The following NCAM2 variants were observed in gnomAD, a reference collection of about 807,000 sequenced individuals.
NCAM2 encodes the protein N-CAM-2.
In NCAM2, 30 loss-of-function variants were observed where a neutral mutation model predicts 98.1. The observed-to-expected ratio is 0.31, with a 90% CI of 0.23 to 0.41. The LOEUF (loss-of-function observed/expected upper bound fraction) is 0.41, where lower values mean the gene tolerates loss of function less well. NCAM2 is among the 10% of genes least tolerant of loss of function. The pLI is 1.00. For synonymous variants in NCAM2, 368 were observed against 342.4 expected (o/e 1.07, Z -0.83); for missense variants, 867 against 1,005.8 (o/e 0.86, Z 1.87).
rs572786452 is a variant in NCAM2, at chr21:21,525,403, A to G, written c.2283-9134A>G. Among the ~76,000 whole-genome samples, 8 of 152,220 alleles carry G rather than the reference A, an allele frequency of 5.3e-5. No homozygotes were observed. In the South Asian group the frequency reaches 1.7e-3, roughly 32 times the overall value. ...ATACCATGAGCACCTTTATGCCAAT[A>G]ATTTGATAACCAAAGTGAAATAGAG... On this transcript the variant is annotated intron_variant, in intron 16 of 17. Coordinates refer to ENST00000400546, the MANE Select transcript of NCAM2 (RefSeq NM_004540.5).
chr21:21,015,959 C>T (rs1336315644), intron 1 of NCAM2, among the ~76,000 whole-genome samples: 9 of 152,196 alleles, frequency 5.9e-5, no homozygotes, highest in Admixed American at 6.5e-5. Flanking sequence ...CCGCCCACTT[C>T]GGCCTCCCAA....
rs1231340521 is a variant in NCAM2 at position 21,432,205 on chromosome 21, T to C, written c.1578T>C (p.Pro526=). Residue 526 remains proline (P), a synonymous_variant, in exon 12 of 18, where the codon CCT becomes CCC. Coordinates refer to ENST00000400546, the MANE Select transcript of NCAM2 (RefSeq NM_004540.5). ...FNKPDSHGGV[P]IHHYQVDVKE... is the part of the protein sequence containing the mutation. ...AACCGGACTCCCATGGAGGTGTACC[T>C]ATTCATCACTATCAGGTGGATGTCA... 1 of 1,614,012 alleles carries C rather than the reference T, an allele frequency of 6.2e-7. No homozygotes were observed. The highest frequency in any genetic ancestry group is 8.5e-7 in the Non-Finnish European group (1 of 1,179,990).
intron 15 of NCAM2, among the ~76,000 whole-genome samples, chr21:21,484,471 G>C (rs1215963993): frequency 6.6e-6 from 1 of 151,834 alleles, no homozygotes; most frequent in Non-Finnish European, 1.5e-5. Flanking sequence ...GCTGTGAAGC[G>C]AATAAAGGCG....
chr21:21,471,087 A>G (rs1431881827), intron 14 of NCAM2, among the ~76,000 whole-genome samples: 1 of 151,980 alleles, frequency 6.6e-6, no homozygotes, highest in Non-Finnish European at 1.5e-5. Flanking sequence ...TAACAGTCTA[A>G]ATATGGATGG....
intron 1 of NCAM2, among the ~76,000 whole-genome samples, chr21:21,194,023 A>G (rs966908803): frequency 6.6e-6 from 1 of 152,134 alleles, no homozygotes; most frequent in African/African-American, 2.4e-5. Flanking sequence ...AATATTACAC[A>G]ATTTTCCAAA....
Position 21,284,211 on chromosome 21 carries a change from A to G in NCAM2, c.148A>G (p.Ser50Gly), listed in dbSNP as rs753937177. The stretch of plus-strand genomic sequence containing the variant: ...CTTTGCAGCGATTGGTGAACCTGAA[A>G]GTATAGATTGGTATAATCCTCAAGG... ...FTCTAIGEPE[S>G]IDWYNPQGEK... Residue 50 changes from serine to glycine, a missense_variant, in exon 3 of 18, where the codon AGT becomes GGT. Ser to Gly is a moderately conservative substitution (Grantham distance 56). Around this residue, in one of 5 missense-constraint regions of NCAM2, gnomAD observed 447 missense variants for 495.7 expected, o/e 0.90. Transcript: ENST00000400546. 1 of 1,611,706 alleles carries G rather than the reference A, an allele frequency of 6.2e-7. No individual in the cohort carries two copies. Among genetic ancestry groups the G allele is most frequent in the Non-Finnish European group, 8.5e-7 (1 of 1,178,182 alleles).
chr21:21,519,837 C>T (rs1167753415), intron 16 of NCAM2, among the ~76,000 whole-genome samples: 1 of 152,004 alleles, frequency 6.6e-6, no homozygotes, highest in Non-Finnish European at 1.5e-5. Context: ...CACATGATCC[C>T]AAGCATTCTG....
intron 1 of NCAM2, among the ~76,000 whole-genome samples, chr21:21,043,408 T>G (rs1568959891): frequency 6.6e-6 from 1 of 152,174 alleles, no homozygotes; most frequent in Non-Finnish European, 1.5e-5. Flanking sequence ...TGTATATAAA[T>G]TGGATAGCCG....
At chr21:21,462,615 A>G (rs752877263) in intron 12 of NCAM2, among the ~76,000 whole-genome samples, 2 of 152,022 alleles carry the variant, frequency 1.3e-5, no homozygotes, top group Non-Finnish European at 2.9e-5. Context: ...TAAAAAATGT[A>G]AAAAGATTTA....
chr21:21,005,465 T>G (rs994088437), intron 1 of NCAM2, among the ~76,000 whole-genome samples: 1 of 152,208 alleles, frequency 6.6e-6, no homozygotes, highest in African/African-American at 2.4e-5. Context: ...CTTGTTATTT[T>G]TAAAATTATA....
chr21:21,260,363 T>A (rs1215247264), intron 1 of NCAM2, among the ~76,000 whole-genome samples: 3 of 151,932 alleles, frequency 2.0e-5, no homozygotes, highest in Non-Finnish European at 4.4e-5. Context: ...ACCTGCAAGT[T>A]ACAGTACAAG....
At chr21:21,222,731 A>G (rs565523538) in intron 1 of NCAM2, among the ~76,000 whole-genome samples, 1 of 152,196 alleles carries the variant, frequency 6.6e-6, no homozygotes, top group Non-Finnish European at 1.5e-5. Flanking sequence ...TGCTATGAAC[A>G]TTGTTGAAAT....
At chr21:21,519,290 G>T (rs1276575333) in intron 16 of NCAM2, among the ~76,000 whole-genome samples, 1 of 152,120 alleles carries the variant, frequency 6.6e-6, no homozygotes, top group Non-Finnish European at 1.5e-5. Flanking sequence ...GGACATAATA[G>T]GTTTAGGGGA....
At chr21:21,167,833 G>A (rs2068000568) in intron 1 of NCAM2, among the ~76,000 whole-genome samples, 1 of 152,038 alleles carries the variant, frequency 6.6e-6, no homozygotes. Context: ...ACAAAATAGA[G>A]AGTGCCAATC....
chr21:21,068,904 C>T (rs2065499836), intron 1 of NCAM2, among the ~76,000 whole-genome samples: 1 of 152,120 alleles, frequency 6.6e-6, no homozygotes, highest in South Asian at 2.1e-4. Context: ...GCTAGTTCAA[C>T]CTTGTAGCTC....
intron 1 of NCAM2, among the ~76,000 whole-genome samples, chr21:21,080,382 C>T (rs1020371520): frequency 1.3e-5 from 2 of 151,740 alleles, no homozygotes; most frequent in Admixed American, 6.6e-5. Context: ...TTTGGGAGGC[C>T]GAGGTAGGCA....
chr21:21,210,525 C>T, intron 1 of NCAM2: 4 of 1,283,408 alleles, frequency 3.1e-6, no homozygotes, highest in Non-Finnish European at 4.1e-6. Context: ...ACTTAAAGAA[C>T]AATTTCTTCT....
At chr21:21,053,766 A>T (rs935511459) in intron 1 of NCAM2, among the ~76,000 whole-genome samples, 1 of 151,224 alleles carries the variant, frequency 6.6e-6, no homozygotes, top group African/African-American at 2.4e-5. Flanking sequence ...TCTTTTATCC[A>T]TCTTAATTCC....
intron 12 of NCAM2, among the ~76,000 whole-genome samples, chr21:21,446,870 G>A (rs1980235971): frequency 6.6e-6 from 1 of 152,038 alleles, no homozygotes; most frequent in Admixed American, 6.6e-5. Context: ...TCTTCAAGGA[G>A]AACTACAAAC....
Sources: gnomAD v4.1 joint callset for allele counts (sites outside exome capture counted in the v4.1 genomes callset) on GRCh38, gnomAD v4.1.1 for gene constraint, gnomAD v4.1.1 regional missense constraint, MANE v1.5 for transcripts, NCBI Gene and HGNC (gene_info 2026-07-23, HGNC 2026-07-21) for gene names.